Variants in SPRYD3 observed in about 807,000 individuals in gnomAD.
The protein encoded by SPRYD3 is SPRY domain containing 3.
Under a neutral mutation model 50.1 loss-of-function variants are expected in SPRYD3, and 17 were observed. That is an observed-to-expected ratio of 0.34 (90% confidence interval 0.23 to 0.51). The LOEUF is 0.51. Among genes scored for constraint, SPRYD3 ranks in the 20% least tolerant of loss-of-function variants. The pLI, the probability that SPRYD3 is intolerant of heterozygous loss-of-function variation, is 0.97. For synonymous variants in SPRYD3, 198 were observed against 215.5 expected (o/e 0.92, Z 0.71); for missense variants, 401 against 591.2 (o/e 0.68, Z 3.34).
intron 6 of SPRYD3, among the ~76,000 whole-genome samples, chr12:53,072,652 G>A (rs974599941): frequency 2.0e-5 from 3 of 152,214 alleles, no homozygotes; most frequent in African/African-American, 7.2e-5. Context: ...CGGGGAGGAA[G>A]AATTCCCCTT....
chr12:53,073,257 C>CCCCGGGGGGGGGGGGG, intron 6 of SPRYD3, 29 bp downstream of exon 6: 2 of 363,996 alleles, frequency 5.5e-6, no homozygotes, highest in Non-Finnish European at 1.0e-5. Flanking sequence ...TCCGACCCAG[C>CCCCGGGGGGGGGGGGG]CCCTCCCACC....
At chr12:53,072,033 T>C (rs771692244) in intron 6 of SPRYD3, among the ~76,000 whole-genome samples, 11 of 152,170 alleles carry the variant, frequency 7.2e-5, no homozygotes, top group Non-Finnish European at 1.6e-4. Context: ...TGGGAGGAGC[T>C]GAGAGCAGAG....
At chr12:53,079,274 C>A in intron 1 of SPRYD3, 37 bp downstream of exon 1, 1 of 1,587,980 alleles carries the variant, frequency 6.3e-7, no homozygotes, top group Non-Finnish European at 8.6e-7. Flanking sequence ...CGGGGAGATA[C>A]GAGGCCTCCG....
At chr12:53,069,756 C>T (rs999349995) in intron 6 of SPRYD3, among the ~76,000 whole-genome samples, 17 of 152,314 alleles carry the variant, frequency 1.1e-4, no homozygotes, top group Middle Eastern at 3.4e-3. Context: ...CCTCTCTCCC[C>T]GGGAAGCCAG....
intron 6 of SPRYD3, 27 bp downstream of exon 6, chr12:53,073,259 C>CGGGGGGGGGGGGGGGGGG: frequency 2.5e-6 from 1 of 400,932 alleles, no homozygotes; most frequent in East Asian, 3.8e-5. Context: ...CGACCCAGCC[C>CGGGGGGGGGGGGGGGGGG]CTCCCACCCT....
rs1944577923 is a variant in SPRYD3 at position 53,074,931 on chromosome 12, CCTCTA to C, written c.372-152_372-148del. 7.5e-7 allele frequency: 1 copy of C among 1,339,700 alleles called. No individual in the cohort carries two copies. Among genetic ancestry groups the C allele is most frequent in the African/African-American group, 1.4e-5 (1 of 69,298 alleles). The allele number at this position is 1,339,700 out of a possible 1,614,324, so 83.0% of individuals were successfully genotyped here. A position where few individuals can be genotyped will look rare whatever the true frequency, so the allele number is the denominator to read the frequency against. ...TACGTCCTGGCGTGAGCATCACCCT[CCTCTA>C]GTCTGTAAGCCTTCAAGGGTGCTGC... On this transcript the variant is annotated intron_variant, in intron 4 of 10. Transcript: ENST00000301463. This position sits in a 1 kb window ranked among gnomAD's most constrained non-coding sequence, Gnocchi z 4.6.
intron 3 of SPRYD3, 47 bp from the exon 4 acceptor site, chr12:53,075,266 A>G: frequency 1.3e-6 from 2 of 1,574,706 alleles, no homozygotes; most frequent in Non-Finnish European, 1.7e-6. Flanking sequence ...GGGAAATGGG[A>G]TGAATTGCTG....
intron 5 of SPRYD3, 96 bp from the exon 6 acceptor site, chr12:53,073,567 G>A (rs1194657007): frequency 1.6e-5 from 16 of 1,027,822 alleles, no homozygotes; most frequent in Middle Eastern, 2.7e-4. Flanking sequence ...GCAACCAGCC[G>A]GGCGTGGTGG....
rs373018841 is a variant in SPRYD3 at position 53,065,452 on chromosome 12, T to C, written c.*380A>G. On this transcript the variant is annotated 3_prime_UTR_variant, in exon 11 of 11. Transcript: ENST00000301463. Reference sequence around the variant, plus strand: ...GAGTAGGGGAGGGGGCTGTCTACTCTACCCTCTACAAAGCATCATGCCCGA... The same window carrying C: ...GAGTAGGGGAGGGGGCTGTCTACTCCACCCTCTACAAAGCATCATGCCCGA... The C allele has an allele frequency of 5.2e-5, 10 of 193,930 alleles. 2 individuals are homozygous for C. The South Asian group carries it at 1.2e-3, about 22-fold the overall frequency. 12.0% of individuals were successfully genotyped at this position (193,930 alleles called of 1,614,324 possible). A position where few individuals can be genotyped will look rare whatever the true frequency, so the allele number is the denominator to read the frequency against.
intron 10 of SPRYD3, 32 bp downstream of exon 10, chr12:53,066,282 C>G: frequency 6.2e-7 from 1 of 1,605,412 alleles, no homozygotes; most frequent in Non-Finnish European, 8.5e-7. Context: ...GACCCAAAAA[C>G]CCTGGTCCCA....
chr12:53,073,258 C>CCCGGGGGGGGGGG, intron 6 of SPRYD3, 28 bp downstream of exon 6: 1 of 397,790 alleles, frequency 2.5e-6, no homozygotes, highest in Non-Finnish European at 4.6e-6. Context: ...CCGACCCAGC[C>CCCGGGGGGGGGGG]CCTCCCACCC....
In SPRYD3 at chr12:53,079,307, C is replaced by G; in HGVS notation, c.23+4G>C. 6.2e-7 allele frequency: 1 copy of G among 1,607,584 alleles called. No individual in the cohort carries two copies. The highest frequency in any genetic ancestry group is 1.3e-5 in the African/African-American group (1 of 74,828). Reference sequence around the variant, plus strand: ...CCGGGACCCCGCCCCCGATCCCCGCCTACCGGGGCCGCCGCGTCCTCCTCA... The same window carrying G: ...CCGGGACCCCGCCCCCGATCCCCGCGTACCGGGGCCGCCGCGTCCTCCTCA... On this transcript the variant is annotated splice_donor_region_variant and intron_variant, in intron 1 of 10. Transcript: ENST00000301463.
intron 7 of SPRYD3, 90 bp downstream of exon 7, chr12:53,068,065 C>T (rs1944522894): frequency 6.7e-7 from 1 of 1,494,778 alleles, no homozygotes; most frequent in Non-Finnish European, 9.2e-7. Flanking sequence ...CTGGGCTCCC[C>T]TGGTTTCTCC....
chr12:53,077,811 T>C (rs1204297628), intron 1 of SPRYD3, among the ~76,000 whole-genome samples: 1 of 152,194 alleles, frequency 6.6e-6, no homozygotes, highest in Non-Finnish European at 1.5e-5. Flanking sequence ...AGGAGTCAGA[T>C]CATGGCCCTA....
chr12:53,078,131 A>T (rs1944602694), intron 1 of SPRYD3: 2 of 453,758 alleles, frequency 4.4e-6, no homozygotes, highest in Non-Finnish European at 8.9e-6. Flanking sequence ...GTCAGTTCTG[A>T]TTGTGCCACT....
At position 53,066,477 on chromosome 12, in the gene SPRYD3, T is replaced by C; in HGVS notation, c.1031A>G (p.Asp344Gly). ...CAGGATCACTGTGTCACAACTGTCA[T>C]CACTGTCCCCTAGGAGACCAGGAAA... The part of the protein sequence containing the change: ...DYILDSEGDS[D>G]DSCDTVILSP... Residue 344 changes from aspartate (D) to glycine (G), a missense_variant, in exon 10 of 11, where the codon GAT becomes GGT. Transcript: ENST00000301463. 1 of 1,614,136 alleles carries C rather than the reference T, an allele frequency of 6.2e-7. No individual in the cohort carries two copies. Among genetic ancestry groups the C allele is most frequent in the Non-Finnish European group, 8.5e-7 (1 of 1,180,014 alleles).
In SPRYD3 at chr12:53,068,311, G is replaced by C. The variant is rs1158798145; in HGVS notation, c.694-7C>G. The C allele has an allele frequency of 1.2e-6, 2 of 1,613,604 alleles. No individual in the cohort carries two copies. ...TCCCTAAGTACTCCAGCAGCTGTGG[G>C]GGAAGAGCCAGATGGGGGTCAGGGG... On this transcript the variant is annotated splice_polypyrimidine_tract_variant and splice_region_variant and intron_variant, in intron 6 of 10. Transcript: ENST00000301463.
chr12:53,068,860 C>T (rs1158725710), intron 6 of SPRYD3, among the ~76,000 whole-genome samples: 1 of 152,166 alleles, frequency 6.6e-6, no homozygotes, highest in Non-Finnish European at 1.5e-5. Flanking sequence ...CCTTGTTTTA[C>T]TTGGCTGTGA....
rs750393084 is a variant in SPRYD3, at chr12:53,066,406, G to C, written c.1102C>G (p.Leu368Val). The C allele has an allele frequency of 6.8e-6, 11 of 1,613,984 alleles. No individual in the cohort carries two copies. The highest frequency in any genetic ancestry group is 9.3e-6 in the Non-Finnish European group (11 of 1,180,026). Residue 368 changes from leucine (L) to valine (V), a missense_variant, in exon 10 of 11, where the codon CTG becomes GTG. Coordinates refer to ENST00000301463, the MANE Select transcript of SPRYD3 (RefSeq NM_032840.3). Reference protein sequence around the residue: ...AVRNVRNVMYLHQEGEEEEEE... With the variant: ...AVRNVRNVMYVHQEGEEEEEE... ...TCTTCCTCTTCCCCTTCCTGGTGCA[G>C]GTACATGACATTCCGCACGTTCCGG... is the stretch of plus-strand genomic sequence containing the variant.
Sources: allele counts gnomAD v4.1 joint callset (sites outside exome capture counted in the v4.1 genomes callset), GRCh38; gene constraint gnomAD v4.1.1; non-coding constraint Gnocchi (gnomAD v3.1); transcripts MANE v1.5; gene names NCBI Gene and HGNC (gene_info 2026-07-23, HGNC 2026-07-21).